CHRDL2: variants seen among roughly 807,000 people sequenced by gnomAD.
The protein encoded by CHRDL2 is chordin-like protein 2.
In CHRDL2, 41 loss-of-function variants were observed where a neutral mutation model predicts 54.3. The observed-to-expected ratio is 0.76, with a 90% CI of 0.59 to 0.98. The LOEUF (loss-of-function observed/expected upper bound fraction) is 0.98. CHRDL2 is among the 50% of genes least tolerant of loss of function. CHRDL2 has a pLI of 0.00. For synonymous variants in CHRDL2, 220 were observed against 224.3 expected (o/e 0.98, Z 0.17); for missense variants, 518 against 562.4 (o/e 0.92, Z 0.80).
rs117514080 is a variant in CHRDL2, at chr11:74,709,420, C to T, written c.433-1025G>A. 4.9e-4 allele frequency among the ~76,000 whole-genome samples: 74 copies of T among 152,292 alleles called. 1 individual carries two copies. In the East Asian group the frequency reaches 0.011, roughly 22 times the overall value. ...GCAAGTCACTTAACTATTCTGAGCC[C>T]GTTTCCTCATCTGGAAAACAGAAAT... On this transcript the variant is annotated intron_variant, in intron 4 of 10. Transcript: ENST00000376332.
At chr11:74,703,267 T>C in intron 8 of CHRDL2, 38 bp downstream of exon 8, 1 of 1,546,490 alleles carries the variant, frequency 6.5e-7, no homozygotes, top group Non-Finnish European at 8.7e-7. Flanking sequence ...GGGCTCACTC[T>C]GGCCAGCGCC....
chr11:74,716,382 A>C (rs2135266100), intron 2 of CHRDL2, among the ~76,000 whole-genome samples: 1 of 152,160 alleles, frequency 6.6e-6, no homozygotes. Flanking sequence ...TAAAAATATA[A>C]AAATTAGCTG....
At chr11:74,712,401 A>G (rs2034222424) in intron 3 of CHRDL2, among the ~76,000 whole-genome samples, 1 of 152,156 alleles carries the variant, frequency 6.6e-6, no homozygotes, top group Admixed American at 6.5e-5. Flanking sequence ...TTTAGCAACA[A>G]GAGGCCTGGG....
intron 2 of CHRDL2, among the ~76,000 whole-genome samples, chr11:74,716,616 T>A (rs2034362999): frequency 6.7e-6 from 1 of 150,354 alleles, no homozygotes. Context: ...CAGCGGGGAA[T>A]TTGAATTTTA....
intron 1 of CHRDL2, among the ~76,000 whole-genome samples, chr11:74,725,566 T>C (rs1229525049): frequency 1.3e-5 from 2 of 152,218 alleles, no homozygotes; most frequent in Non-Finnish European, 2.9e-5. Context: ...AGTTCCAAGC[T>C]CATCCCACAG....
rs1217690512 is a variant in CHRDL2, at chr11:74,697,194, C to T, written c.1213+11G>A. 1 of 1,610,628 alleles carries T rather than the reference C, an allele frequency of 6.2e-7. No homozygotes were observed. Among genetic ancestry groups the T allele is most frequent in the Non-Finnish European group, 8.5e-7 (1 of 1,177,542 alleles). ...CCTGCCCCGGCCCCATTCCTCAGCC[C>T]AAGCTCCTACCTTCGTGGGGGCCAG... On this transcript the variant is annotated intron_variant, in intron 10 of 10. Transcript: ENST00000376332.
chr11:74,712,985 C>A (rs1350111697), intron 3 of CHRDL2, among the ~76,000 whole-genome samples: 1 of 152,142 alleles, frequency 6.6e-6, no homozygotes, highest in Admixed American at 6.5e-5. Flanking sequence ...TTCTGAGCTC[C>A]CCCAGTGGTA....
intron 10 of CHRDL2, among the ~76,000 whole-genome samples, 182 bp downstream of exon 10, chr11:74,697,023 C>T (rs1287194709): frequency 6.6e-6 from 1 of 152,238 alleles, no homozygotes; most frequent in Non-Finnish European, 1.5e-5. Context: ...GCTTCACCTT[C>T]CCGCTCTGGA....
In CHRDL2 at chr11:74,731,359, T is replaced by C. The variant is rs1436190223; in HGVS notation, c.-471A>G. The C allele has an allele frequency of 6.8e-6, 1 of 147,974 alleles. No homozygotes were observed. The highest frequency in any genetic ancestry group is 2.5e-5 in the African/African-American group (1 of 40,704). 9.2% of individuals were successfully genotyped at this position (147,974 alleles called of 1,614,324 possible). ...GGCCTGGGGCCCGGCGGGGCGGCGG[T>C]CCCAGCAGCGGCGGCGGCGCGGCGG... On this transcript the variant is annotated 5_prime_UTR_variant, in exon 1 of 11. Coordinates refer to ENST00000376332, the MANE Select transcript of CHRDL2 (RefSeq NM_001278473.3). The surrounding 1 kb of genome is among the most constrained non-coding windows in gnomAD (Gnocchi z 4.4).
intron 1 of CHRDL2, among the ~76,000 whole-genome samples, chr11:74,730,229 G>A (rs60556990): frequency 0.014 from 2,058 of 152,094 alleles, 41 homozygotes; most frequent in African/African-American, 0.046. Flanking sequence ...ACAATGTGAG[G>A]CAGGGAATAA....
At chr11:74,711,016 A>G (rs778083411) in intron 3 of CHRDL2, 25 bp from the exon 4 acceptor site, 24 of 1,595,188 alleles carry the variant, frequency 1.5e-5, no homozygotes, top group Middle Eastern at 1.7e-4. Flanking sequence ...GGGCAGGAGG[A>G]AGAAGAAAAT....
rs150256344 is a variant in CHRDL2, at chr11:74,702,872, G to C, written c.1042C>G (p.Pro348Ala). ...AGGGCAAAGCGACGCAGGTTGTCTGGGCTTGGGGATACCGATGTGTGGACG... is the reference window on the plus strand; with the variant it reads ...AGGGCAAAGCGACGCAGGTTGTCTGCGCTTGGGGATACCGATGTGTGGACG... ...VLVHTSVSPS[P>A]DNLRRFALEH... is the part of the protein sequence containing the mutation. The change falls in exon 9 of 11, where the codon CCA becomes GCA. Residue 348 changes from proline to alanine, a missense_variant. Physicochemically the swap from Pro to Ala is conservative, Grantham distance 27. Transcript: ENST00000376332. 47 of 1,614,060 alleles carry C rather than the reference G, an allele frequency of 2.9e-5. No homozygotes were observed. In the African/African-American group the frequency reaches 4.1e-4, roughly 14 times the overall value.
chr11:74,703,367 G>A lies in CHRDL2; in HGVS notation c.884C>T (p.Pro295Leu), dbSNP rs2033895997. ...GRQDCQRVTCPTEYPCRHPEK... is the reference protein window; with the variant it reads ...GRQDCQRVTCLTEYPCRHPEK... ...GGGGTGACGGCAGGGGTACTCGGTG[G>A]GACAGGTCACACGCTGGCAGTCCTG... Residue 295 changes from proline to leucine, a missense_variant, in exon 8 of 11, where the codon CCC becomes CTC. Pro to Leu is a moderately conservative substitution (Grantham distance 98). Transcript: ENST00000376332. The A allele has an allele frequency of 1.2e-6, 2 of 1,613,656 alleles. No homozygotes were observed. Among genetic ancestry groups the A allele is most frequent in the Non-Finnish European group, 1.7e-6 (2 of 1,179,896 alleles).
intron 9 of CHRDL2, chr11:74,698,959 G>A (rs1218381821): frequency 6.6e-6 from 1 of 152,194 alleles, no homozygotes; most frequent in Non-Finnish European, 1.5e-5. Flanking sequence ...ACCAAGAACT[G>A]GCCCTGCTTA....
At chr11:74,728,793 T>G (rs2034608998) in intron 1 of CHRDL2, among the ~76,000 whole-genome samples, 1 of 152,106 alleles carries the variant, frequency 6.6e-6, no homozygotes, top group Admixed American at 6.6e-5. Flanking sequence ...AAGCAGATGG[T>G]TTTTGATAGT....
At chr11:74,729,615 C>T (rs970987079) in intron 1 of CHRDL2, among the ~76,000 whole-genome samples, 14 of 152,226 alleles carry the variant, frequency 9.2e-5, no homozygotes, top group African/African-American at 3.4e-4. Flanking sequence ...CAAAGTCCAG[C>T]ACTACCAGCT....
chr11:74,725,196 T>C (rs1314708760), intron 1 of CHRDL2, among the ~76,000 whole-genome samples: 1 of 152,158 alleles, frequency 6.6e-6, no homozygotes, highest in Non-Finnish European at 1.5e-5. Flanking sequence ...TTTCACCATG[T>C]TGGCCAAGAT....
intron 5 of CHRDL2, among the ~76,000 whole-genome samples, chr11:74,707,366 C>T (rs190102458): frequency 1.1e-3 from 163 of 152,328 alleles, no homozygotes; most frequent in African/African-American, 3.8e-3. Flanking sequence ...GGAGCACTCC[C>T]CTACCTGAGT....
Position 74,710,953 on chromosome 11 carries a change from A to T in CHRDL2, c.328T>A (p.Ser110Thr). The T allele has an allele frequency of 6.2e-7, 1 of 1,614,080 alleles. No homozygotes were observed. ...TPSGLRAPPK[S>T]CQHNGTMYQH... is the part of the protein sequence containing the mutation. ...TACATGGTCCCGTTGTGCTGGCAGG[A>T]CTTTGGTGGGGCCCGGAGTCCAGAG... The change falls in exon 4 of 11, where the codon TCC becomes ACC. Residue 110 changes from serine (S) to threonine (T), a missense_variant. By Grantham distance (58) the Ser-to-Thr change is moderately conservative (BLOSUM62 1). Coordinates refer to ENST00000376332, the MANE Select transcript of CHRDL2 (RefSeq NM_001278473.3).
Sources: gnomAD v4.1 joint callset for allele counts (sites outside exome capture counted in the v4.1 genomes callset) on GRCh38, gnomAD v4.1.1 for gene constraint, Gnocchi (gnomAD v3.1) non-coding constraint, MANE v1.5 for transcripts, NCBI Gene and HGNC (gene_info 2026-07-23, HGNC 2026-07-21) for gene names.